The following ANXA3 variants were observed in gnomAD, a reference collection of about 807,000 sequenced individuals.
ANXA3 encodes the protein annexin A3.
In ANXA3, 46 loss-of-function variants were observed where a neutral mutation model predicts 48.8. That is an observed-to-expected ratio of 0.94 (90% confidence interval 0.74 to 1.21). The LOEUF is 1.21. Ranked by LOEUF, ANXA3 falls within the 50% of genes most tolerant of loss-of-function variation. The pLI, the probability that ANXA3 is intolerant of heterozygous loss-of-function variation, is 0.00. For missense variants in ANXA3, 383 were observed against 378.6 expected, an observed-to-expected ratio of 1.01 and a Z score of -0.10; for synonymous variants, 128 against 134.7, an observed-to-expected ratio of 0.95 and a Z score of 0.35.
intron 3 of ANXA3, among the ~76,000 whole-genome samples, chr4:78,577,117 T>G (rs939448302): frequency 5.3e-5 from 8 of 152,306 alleles, no homozygotes; most frequent in African/African-American, 9.6e-5. Flanking sequence ...TCAGATTGTA[T>G]TTTTAAACAT....
intron 2 of ANXA3, among the ~76,000 whole-genome samples, chr4:78,555,664 C>G (rs563845563): frequency 1.3e-5 from 2 of 150,142 alleles, no homozygotes; most frequent in East Asian, 1.9e-4. Flanking sequence ...TATGGCAAGA[C>G]CCAGTCTCTT....
Position 78,601,532 on chromosome 4 carries a change from G to A in ANXA3, c.753G>A (p.Pro251=), listed in dbSNP as rs373810532. The A allele has an allele frequency of 8.7e-6, 14 of 1,613,794 alleles. No homozygotes were observed. Among genetic ancestry groups the A allele is most frequent in the African/African-American group, 5.3e-5 (4 of 74,902 alleles). ...CAGTTAATTGTGTGAGGAACACGCC[G>A]GCCTTTTTAGCCGAAAGACTGCATC... ...LAIVNCVRNT[P]AFLAERLHRA... is the part of the protein sequence containing the mutation. The change falls in exon 11 of 13, where the codon CCG becomes CCA. Residue 251 remains proline (P), a synonymous_variant. Coordinates refer to ENST00000264908, the MANE Select transcript of ANXA3 (RefSeq NM_005139.3).
chr4:78,573,308 A>T (rs756977230), intron 3 of ANXA3, 41 bp downstream of exon 3: 1 of 1,448,010 alleles, frequency 6.9e-7, no homozygotes, highest in South Asian at 1.1e-5. Flanking sequence ...TGTTGAAGCA[A>T]ATCAGGCAAG....
At chr4:78,552,771 A>G (rs1241401869) in intron 1 of ANXA3, among the ~76,000 whole-genome samples, 1 of 152,242 alleles carries the variant, frequency 6.6e-6, no homozygotes, top group East Asian at 1.9e-4. Flanking sequence ...GTAACTAATT[A>G]AAACGTTACT....
At chr4:78,560,306 C>T (rs557007104) in intron 2 of ANXA3, among the ~76,000 whole-genome samples, 58 of 152,296 alleles carry the variant, frequency 3.8e-4, no homozygotes, top group African/African-American at 1.1e-3. Flanking sequence ...TCGGGAATCA[C>T]CTGCACTTCT....
At chr4:78,557,183 T>C (rs984352041) in intron 2 of ANXA3, among the ~76,000 whole-genome samples, 2 of 152,232 alleles carry the variant, frequency 1.3e-5, no homozygotes, top group Non-Finnish European at 2.9e-5. Context: ...CTTTGGCTCC[T>C]GGAGGTCTCT....
At chr4:78,592,653 T>A (rs1048676774) in intron 7 of ANXA3, among the ~76,000 whole-genome samples, 1 of 152,152 alleles carries the variant, frequency 6.6e-6, no homozygotes, top group African/African-American at 2.4e-5. Context: ...CCAACTAGCT[T>A]TGTATATTTG....
intron 4 of ANXA3, among the ~76,000 whole-genome samples, chr4:78,580,062 C>T (rs1057413099): frequency 2.0e-5 from 3 of 152,202 alleles, no homozygotes; most frequent in Non-Finnish European, 4.4e-5. Flanking sequence ...GTATAAAAAG[C>T]ACATCCTGCC....
At chr4:78,598,548 T>C (rs191435708) in intron 10 of ANXA3, among the ~76,000 whole-genome samples, 159 of 152,312 alleles carry the variant, frequency 1.0e-3, no homozygotes, top group Admixed American at 5.9e-3. Context: ...TTTTTTCTTT[T>C]TTTTTCTTTG....
intron 5 of ANXA3, among the ~76,000 whole-genome samples, chr4:78,586,049 A>C (rs1011663291): frequency 6.6e-6 from 1 of 152,152 alleles, no homozygotes; most frequent in African/African-American, 2.4e-5. Flanking sequence ...TGATTTTCAC[A>C]CTAGAGTGAA....
At chr4:78,552,853 T>C (rs1722427951) in intron 1 of ANXA3, among the ~76,000 whole-genome samples, 1 of 152,214 alleles carries the variant, frequency 6.6e-6, no homozygotes, top group African/African-American at 2.4e-5. Context: ...AATTTTTAAA[T>C]GTAAAGAAAA....
intron 2 of ANXA3, 61 bp from the exon 3 acceptor site, chr4:78,573,119 A>G (rs770823705): frequency 1.7e-6 from 2 of 1,202,430 alleles, no homozygotes; most frequent in South Asian, 1.2e-5. Flanking sequence ...AGGAATATGC[A>G]TATGTAATAC....
intron 2 of ANXA3, among the ~76,000 whole-genome samples, chr4:78,562,894 A>G (rs931570126): frequency 6.6e-6 from 1 of 152,320 alleles, no homozygotes; most frequent in African/African-American, 2.4e-5. Context: ...GATAAGTGTA[A>G]GCCCTGAGGC....
chr4:78,555,471 A>C (rs965420671), intron 2 of ANXA3, among the ~76,000 whole-genome samples: 1 of 152,234 alleles, frequency 6.6e-6, no homozygotes, highest in African/African-American at 2.4e-5. Flanking sequence ...GGTTTAAAAA[A>C]TGAACTTGAC....
intron 2 of ANXA3, among the ~76,000 whole-genome samples, chr4:78,570,077 T>C (rs537098642): frequency 6.6e-6 from 1 of 152,254 alleles, no homozygotes; most frequent in Non-Finnish European, 1.5e-5. Context: ...GTCTATCAAA[T>C]GAATAATGCC....
intron 7 of ANXA3, among the ~76,000 whole-genome samples, chr4:78,595,008 C>A (rs189518514): frequency 6.6e-6 from 1 of 152,118 alleles, no homozygotes; most frequent in Non-Finnish European, 1.5e-5. Flanking sequence ...GTGGTGTGCA[C>A]CTGTAGTCAT....
chr4:78,567,347 G>A (rs1722754737), intron 2 of ANXA3, among the ~76,000 whole-genome samples: 1 of 152,186 alleles, frequency 6.6e-6, no homozygotes, highest in South Asian at 2.1e-4. Flanking sequence ...AGCTGTAGGG[G>A]AGAACTTCTT....
chr4:78,586,553 C>A (rs576752346), intron 6 of ANXA3, among the ~76,000 whole-genome samples: 1 of 152,348 alleles, frequency 6.6e-6, no homozygotes, highest in African/African-American at 2.4e-5. Flanking sequence ...TGCTACATAA[C>A]AATAGCATTA....
At chr4:78,585,142 CT>C (rs915174811) in intron 5 of ANXA3, among the ~76,000 whole-genome samples, 1 of 152,220 alleles carries the variant, frequency 6.6e-6, no homozygotes, top group African/African-American at 2.4e-5. Context: ...GCAGCTGATT[CT>C]CTTGAAGTGA....
Sources: allele counts gnomAD v4.1 joint callset (sites outside exome capture counted in the v4.1 genomes callset), GRCh38; gene constraint gnomAD v4.1.1; transcripts MANE v1.5; gene names NCBI Gene and HGNC (gene_info 2026-07-23, HGNC 2026-07-21).